FYB1: variants seen among roughly 807,000 people sequenced by gnomAD.
The protein encoded by FYB1 is FYN-binding protein 1.
In FYB1, 41 loss-of-function variants were observed where a neutral mutation model predicts 94.1. That is an observed-to-expected ratio of 0.44 (90% CI 0.34 to 0.57). The LOEUF (loss-of-function observed/expected upper bound fraction) is 0.57. Ranked by LOEUF, FYB1 falls within the 20% of genes least tolerant of loss-of-function variation. The pLI, the probability that FYB1 is intolerant of heterozygous loss-of-function variation, is 0.02. For missense variants in FYB1, 1,050 were observed against 976.8 expected (o/e 1.07, Z -1.00); for synonymous variants, 367 against 353.2 (o/e 1.04, Z -0.44).
intron 1 of FYB1, among the ~76,000 whole-genome samples, chr5:39,239,756 A>G (rs1431239744): frequency 6.6e-6 from 1 of 152,198 alleles, no homozygotes; most frequent in African/African-American, 2.4e-5. Context: ...TGCAGGTTCA[A>G]TGCTAATTCT....
chr5:39,134,788 G>A, intron 8 of FYB1, 67 bp downstream of exon 8: 1 of 1,543,864 alleles, frequency 6.5e-7, no homozygotes, highest in Non-Finnish European at 8.9e-7. Context: ...AGTTCTGGAG[G>A]AATATGTACA....
At chr5:39,156,801 A>T (rs1347999253) in intron 2 of FYB1, among the ~76,000 whole-genome samples, 1 of 152,194 alleles carries the variant, frequency 6.6e-6, no homozygotes, top group African/African-American at 2.4e-5. Flanking sequence ...CTAAAATCTC[A>T]ATCTGGACTT....
intron 2 of FYB1, among the ~76,000 whole-genome samples, chr5:39,186,893 C>G (rs1746871328): frequency 6.6e-6 from 1 of 152,032 alleles, no homozygotes. Context: ...TTATTATCCC[C>G]ATTAGCAGAT....
intron 2 of FYB1, among the ~76,000 whole-genome samples, chr5:39,192,702 G>A (rs186693207): frequency 6.6e-6 from 1 of 152,330 alleles, no homozygotes; most frequent in East Asian, 1.9e-4. Flanking sequence ...ACTATATTAA[G>A]GGAACTCTTC....
At chr5:39,144,276 A>C (rs1742445729) in intron 3 of FYB1, among the ~76,000 whole-genome samples, 1 of 152,220 alleles carries the variant, frequency 6.6e-6, no homozygotes, top group African/African-American at 2.4e-5. Flanking sequence ...TTAGTTCCCG[A>C]TAAAAGAATA....
At chr5:39,152,483 T>G (rs553836646) in intron 3 of FYB1, among the ~76,000 whole-genome samples, 6 of 152,318 alleles carry the variant, frequency 3.9e-5, no homozygotes, top group African/African-American at 1.4e-4. Flanking sequence ...AATCAAATTG[T>G]ACTAAATATG....
intron 16 of FYB1, among the ~76,000 whole-genome samples, chr5:39,114,268 T>G (rs543506443): frequency 4.5e-4 from 69 of 152,220 alleles, no homozygotes; most frequent in African/African-American, 1.6e-3. Flanking sequence ...GGAATATGTA[T>G]AAATACTAGT....
intron 2 of FYB1, among the ~76,000 whole-genome samples, chr5:39,167,336 CAT>C (rs1260346336): frequency 1.3e-5 from 2 of 152,078 alleles, no homozygotes; most frequent in Non-Finnish European, 2.9e-5. Context: ...ACAAATAATA[CAT>C]GACTCATTTC....
intron 1 of FYB1, among the ~76,000 whole-genome samples, chr5:39,244,485 G>A (rs1190303793): frequency 6.6e-6 from 1 of 152,192 alleles, no homozygotes; most frequent in Non-Finnish European, 1.5e-5. Flanking sequence ...TCCCAGGGAT[G>A]AAGGCCACTT....
chr5:39,122,472 G>T (rs1740216012), intron 13 of FYB1, 70 bp from the exon 14 acceptor site: 4 of 894,864 alleles, frequency 4.5e-6, no homozygotes, highest in South Asian at 4.4e-5. Context: ...ATTCAATGAT[G>T]TTTTTAATAT....
chr5:39,236,845 T>C (rs1750986516), intron 1 of FYB1, among the ~76,000 whole-genome samples: 1 of 152,100 alleles, frequency 6.6e-6, no homozygotes, highest in Non-Finnish European at 1.5e-5. Flanking sequence ...TGTTGTCATC[T>C]ATCAAACAGA....
At chr5:39,255,807 C>G (rs1337223035) in intron 1 of FYB1, among the ~76,000 whole-genome samples, 3 of 152,166 alleles carry the variant, frequency 2.0e-5, no homozygotes, top group African/African-American at 7.2e-5. Context: ...TCCAGTGGGT[C>G]TATTAATGAA....
At chr5:39,113,323 C>A (rs1248451227) in intron 16 of FYB1, among the ~76,000 whole-genome samples, 1 of 152,094 alleles carries the variant, frequency 6.6e-6, no homozygotes, top group Non-Finnish European at 1.5e-5. Context: ...TGTAGAAGGG[C>A]AGCTATGTTT....
chr5:39,169,139 G>T, intron 2 of FYB1: 1 of 708,272 alleles, frequency 1.4e-6, no homozygotes, highest in Non-Finnish European at 2.6e-6. Flanking sequence ...GAAATTTTAG[G>T]CAATTGGCCT....
At position 39,119,437 on chromosome 5, in the gene FYB1, AT is replaced by A. The variant is rs1386437402; in HGVS notation, c.2238+97del. On this transcript the variant is annotated intron_variant, in intron 15 of 18. Coordinates refer to ENST00000512982, the MANE Select transcript of FYB1 (RefSeq NM_001465.6). Reference sequence around the variant, plus strand: ...AAAGTGTGCATTTTGTTACTTAAAAATCATTGGATTTTTCAATAGTGTTTTT... The same window carrying A: ...AAAGTGTGCATTTTGTTACTTAAAAACATTGGATTTTTCAATAGTGTTTTT... The A allele has an allele frequency of 4.6e-6, 4 of 873,564 alleles. No individual in the cohort carries two copies. In the African/African-American group the frequency reaches 6.9e-5, roughly 15 times the overall value. The allele number at this position is 873,564 out of a possible 1,614,324, so 54.1% of individuals were successfully genotyped here.
At chr5:39,135,043 G>T in intron 7 of FYB1, 29 bp from the exon 8 acceptor site, 1 of 1,604,486 alleles carries the variant, frequency 6.2e-7, no homozygotes, top group Non-Finnish European at 8.5e-7. Flanking sequence ...AGTCACAAAA[G>T]ATTTCCTTAT....
At chr5:39,203,795 G>A (rs953279982) in intron 1 of FYB1, among the ~76,000 whole-genome samples, 1 of 151,950 alleles carries the variant, frequency 6.6e-6, no homozygotes, top group African/African-American at 2.4e-5. Flanking sequence ...TTTTCTCAGA[G>A]GTGCTTTTAC....
intron 1 of FYB1, among the ~76,000 whole-genome samples, chr5:39,214,463 A>G (rs1428116406): frequency 6.6e-6 from 1 of 152,260 alleles, no homozygotes; most frequent in Non-Finnish European, 1.5e-5. Flanking sequence ...AGCATAATTT[A>G]CAATACCAAA....
rs182662543 is a variant in FYB1 at position 39,218,062 on chromosome 5, A to G, written c.-28+1381T>C. On this transcript the variant is annotated intron_variant, in intron 1 of 18. Coordinates refer to ENST00000512982, the MANE Select transcript of FYB1 (RefSeq NM_001465.6). Reference sequence around the variant, plus strand: ...GCGAGCTTCCAAGCCTCTGGACTCCAGCAGAAGCTGGGGGGAATTTGAAGC... The same window carrying G: ...GCGAGCTTCCAAGCCTCTGGACTCCGGCAGAAGCTGGGGGGAATTTGAAGC... Among the ~76,000 whole-genome samples, 5 of 152,360 alleles carry G rather than the reference A, an allele frequency of 3.3e-5. No individual in the cohort carries two copies. In the East Asian group the frequency reaches 9.6e-4, roughly 29 times the overall value.
Sources: gnomAD v4.1 joint callset for allele counts (sites outside exome capture counted in the v4.1 genomes callset) on GRCh38, gnomAD v4.1.1 for gene constraint, MANE v1.5 for transcripts, NCBI Gene and HGNC (gene_info 2026-07-23, HGNC 2026-07-21) for gene names.